The following MACROD2 variants were observed in gnomAD, a reference collection of about 807,000 sequenced individuals.
MACROD2 encodes the protein mono-ADP ribosylhydrolase 2, also known as ADP-ribose glycohydrolase MACROD2.
In MACROD2, 36 loss-of-function variants were observed where a neutral mutation model predicts 70.4. That is an observed-to-expected ratio of 0.51 (90% confidence interval 0.39 to 0.68). The LOEUF (loss-of-function observed/expected upper bound fraction) is 0.68, where lower values mean the gene tolerates loss of function less well. Ranked by LOEUF, MACROD2 falls within the 30% of genes least tolerant of loss-of-function variation. MACROD2 has a pLI of 0.00. For synonymous variants in MACROD2, 172 were observed against 178.8 expected (o/e 0.96, Z 0.30); for missense variants, 496 against 538.4 (o/e 0.92, Z 0.78).
chr20:15,665,747 C>G (rs970376661), intron 8 of MACROD2, among the ~76,000 whole-genome samples: 1 of 152,194 alleles, frequency 6.6e-6, no homozygotes, highest in East Asian at 1.9e-4. Flanking sequence ...CCTTATCCTG[C>G]TTTCATGTGC....
chr20:15,636,152 G>T (rs1260206629), intron 8 of MACROD2, among the ~76,000 whole-genome samples: 2 of 149,760 alleles, frequency 1.3e-5, no homozygotes, highest in African/African-American at 4.9e-5. Flanking sequence ...AATCCCCTAG[G>T]GCTAGGGATA....
intron 6 of MACROD2, among the ~76,000 whole-genome samples, chr20:15,295,861 C>G (rs1489309226): frequency 6.6e-6 from 1 of 152,136 alleles, no homozygotes; most frequent in East Asian, 1.9e-4. Flanking sequence ...ACAGATAGCT[C>G]ATAATCTTCC....
chr20:14,886,732 G>A (rs187164434), intron 5 of MACROD2, among the ~76,000 whole-genome samples: 14 of 152,212 alleles, frequency 9.2e-5, no homozygotes, highest in African/African-American at 2.6e-4. Flanking sequence ...GCCAGCTCCC[G>A]TGCTAATCTT....
chr20:14,984,101 C>A (rs2074826974), intron 5 of MACROD2, among the ~76,000 whole-genome samples: 1 of 152,200 alleles, frequency 6.6e-6, no homozygotes, highest in Admixed American at 6.5e-5. Flanking sequence ...TACTTAAGTA[C>A]AATAGCCCAC....
intron 3 of MACROD2, among the ~76,000 whole-genome samples, chr20:14,284,957 T>G (rs1164774472): frequency 6.6e-6 from 1 of 152,188 alleles, no homozygotes; most frequent in Non-Finnish European, 1.5e-5. Flanking sequence ...TATGGATTGA[T>G]TGTAAAAACT....
chr20:15,984,882 G>A (rs60437329), intron 13 of MACROD2, among the ~76,000 whole-genome samples: 7,908 of 152,118 alleles, frequency 0.052, 465 homozygotes, highest in African/African-American at 0.15. Context: ...GTCTTTCCTT[G>A]CCTCTGCCAG....
chr20:14,153,760 A>G (rs1382171167), intron 3 of MACROD2, among the ~76,000 whole-genome samples: 4 of 152,256 alleles, frequency 2.6e-5, no homozygotes, highest in Non-Finnish European at 4.4e-5. Context: ...ATTAAAAGAC[A>G]TTCACCACGC....
chr20:15,802,583 T>C (rs2327966), intron 8 of MACROD2, among the ~76,000 whole-genome samples: 42,073 of 151,832 alleles, frequency 0.28, 6,373 homozygotes, highest in African/African-American at 0.4. Flanking sequence ...ACCCTAATGA[T>C]GTACCTTATG....
chr20:15,921,520 A>G (rs1465423317), intron 10 of MACROD2, among the ~76,000 whole-genome samples: 1 of 152,052 alleles, frequency 6.6e-6, no homozygotes, highest in Admixed American at 6.5e-5. Flanking sequence ...TACCCCATTC[A>G]TTCCTACTGA....
chr20:14,898,563 C>T (rs2073858088), intron 5 of MACROD2, among the ~76,000 whole-genome samples: 1 of 151,990 alleles, frequency 6.6e-6, no homozygotes, highest in African/African-American at 2.4e-5. Flanking sequence ...CCCGTCTCTA[C>T]AAAAATTACA....
At chr20:15,039,527 T>A (rs546504024) in intron 5 of MACROD2, among the ~76,000 whole-genome samples, 2 of 152,294 alleles carry the variant, frequency 1.3e-5, no homozygotes, top group East Asian at 3.9e-4. Flanking sequence ...TACTTCAAAG[T>A]ATTCTGCATG....
intron 3 of MACROD2, among the ~76,000 whole-genome samples, chr20:14,318,076 T>G (rs1451861037): frequency 6.6e-6 from 1 of 152,208 alleles, no homozygotes; most frequent in Non-Finnish European, 1.5e-5. Flanking sequence ...ATCCCCATAT[T>G]AAGGAAATTA....
At chr20:15,303,594 C>T (rs746114096) in intron 6 of MACROD2, among the ~76,000 whole-genome samples, 27 of 152,150 alleles carry the variant, frequency 1.8e-4, no homozygotes, top group Admixed American at 9.8e-4. Flanking sequence ...CCTCTGCCAG[C>T]GTCTCACTTT....
At chr20:15,551,606 C>T (rs62195572) in intron 8 of MACROD2, among the ~76,000 whole-genome samples, 9,601 of 152,058 alleles carry the variant, frequency 0.063, 430 homozygotes, top group East Asian at 0.16. Context: ...AGGCTGGGCG[C>T]GGTGGCTCAC....
At chr20:15,920,417 T>C (rs1396767747) in intron 10 of MACROD2, among the ~76,000 whole-genome samples, 1 of 152,236 alleles carries the variant, frequency 6.6e-6, no homozygotes, top group African/African-American at 2.4e-5. Context: ...GGAAGTAGCA[T>C]AACTATATTA....
At chr20:15,875,932 A>G (rs1248585226) in intron 9 of MACROD2, among the ~76,000 whole-genome samples, 1 of 151,724 alleles carries the variant, frequency 6.6e-6, no homozygotes, top group Non-Finnish European at 1.5e-5. Context: ...TGCAGGGGAA[A>G]AAAAAGTCTT....
chr20:15,094,400 T>C (rs1285863184), intron 5 of MACROD2, among the ~76,000 whole-genome samples: 1 of 152,170 alleles, frequency 6.6e-6, no homozygotes, highest in African/African-American at 2.4e-5. Context: ...AGTAAAAGAC[T>C]CAATCAAGTT....
chr20:14,473,941 A>G (rs376740881), intron 3 of MACROD2, among the ~76,000 whole-genome samples: 1 of 151,896 alleles, frequency 6.6e-6, no homozygotes, highest in African/African-American at 2.4e-5. Flanking sequence ...GGCCACTTGT[A>G]TGTCTTCTTT....
chr20:14,399,827 AT>A (rs2083619040), intron 3 of MACROD2, among the ~76,000 whole-genome samples: 2 of 151,776 alleles, frequency 1.3e-5, no homozygotes, highest in African/African-American at 2.4e-5. Context: ...CAAGTTTACT[AT>A]TTTTTTCTGT....
Sources: gnomAD v4.1 joint callset for allele counts (sites outside exome capture counted in the v4.1 genomes callset) on GRCh38, gnomAD v4.1.1 for gene constraint, MANE v1.5 for transcripts, NCBI Gene and HGNC (gene_info 2026-07-23, HGNC 2026-07-21) for gene names.